The following TRAF1 variants were observed in gnomAD, a reference collection of about 807,000 sequenced individuals.
TRAF1 encodes the protein TNF receptor-associated factor 1.
TRAF1 carries 23 observed loss-of-function variants against 40.9 expected under a neutral mutation model. The ratio of observed to expected loss-of-function variants is 0.56; its 90% confidence interval spans 0.40 to 0.80. The LOEUF is 0.80. Ranked by LOEUF, TRAF1 falls within the 30% of genes least tolerant of loss-of-function variation. The pLI is 0.00. For missense variants in TRAF1, 477 were observed against 528.7 expected, an observed-to-expected ratio of 0.90 and a Z score of 0.96; for synonymous variants, 206 against 218.8, an observed-to-expected ratio of 0.94 and a Z score of 0.52.
chr9:120,913,866 T>C, intron 4 of TRAF1, 128 bp from the exon 5 acceptor site: 1 of 1,116,430 alleles, frequency 9.0e-7, no homozygotes, highest in Non-Finnish European at 1.2e-6. Context: ...TGGCTTTCTG[T>C]ACAGTGGGAG....
rs75437068 is a variant in TRAF1 at position 120,916,035 on chromosome 9, G to A, written c.229-1735C>T. ...AGGTGTGTATGTGAATGTTCATGGC[G>A]GCTTTGTTCAAAGCAACCCAAATGT... On this transcript the variant is annotated intron_variant, in intron 3 of 7. Transcript: ENST00000373887. Among the ~76,000 whole-genome samples, 15 of 152,208 alleles carry A rather than the reference G, an allele frequency of 9.9e-5. No homozygotes were observed. The East Asian group carries it at 2.9e-3, about 29-fold the overall frequency.
chr9:120,912,536 A>C (rs1269392233), intron 5 of TRAF1, among the ~76,000 whole-genome samples: 1 of 152,136 alleles, frequency 6.6e-6, no homozygotes, highest in Admixed American at 6.5e-5. Context: ...ACACGCCTGT[A>C]ATCCCAGCTA....
At position 120,913,386 on chromosome 9, in the gene TRAF1, GC is replaced by G; in HGVS notation, c.646del (p.Ala216ProfsTer15). 1 of 1,613,882 alleles carries G rather than the reference GC, an allele frequency of 6.2e-7. No individual in the cohort carries two copies. The highest frequency in any genetic ancestry group is 8.5e-7 in the Non-Finnish European group (1 of 1,180,002). On this transcript the variant is annotated frameshift_variant, in exon 5 of 8. Coordinates refer to ENST00000373887, the MANE Select transcript of TRAF1 (RefSeq NM_005658.5). LOFTEE classifies it high-confidence loss of function. ...CAGCTGGCTCTGGTGGATAGAGGTG[GC>G]CAGGGCCAGGTGGGAGGCCTCCACC... ...KEVEASHLAL[A>X]TSIHQSQLDR...
chr9:120,905,108 A>T lies in TRAF1; in HGVS notation c.1163T>A (p.Phe388Tyr). 6.2e-7 allele frequency: 1 copy of T among 1,614,130 alleles called. No homozygotes were observed. Among genetic ancestry groups the T allele is most frequent in the Non-Finnish European group, 8.5e-7 (1 of 1,180,026 alleles). Residue 388 changes from phenylalanine to tyrosine, a missense_variant, in exon 8 of 8, where the codon TTC becomes TAC. By Grantham distance (22) the Phe-to-Tyr change is conservative. Coordinates refer to ENST00000373887, the MANE Select transcript of TRAF1 (RefSeq NM_005658.5). Reference protein sequence around the residue: ...TNVASGCPLFFPLSKLQSPKH... With the variant: ...TNVASGCPLFYPLSKLQSPKH... ...GGGTGACTGCAGTTTGCTGAGGGGG[A>T]AGAAGAGTGGGCATCCACTGGCCAC...
intron 6 of TRAF1, among the ~76,000 whole-genome samples, chr9:120,911,124 G>A (rs903732556): frequency 9.9e-5 from 15 of 152,260 alleles, no homozygotes; most frequent in Admixed American, 9.8e-4. Context: ...CCACCGCTAT[G>A]TGTGGCTGAG....
At position 120,913,356 on chromosome 9, in the gene TRAF1, C is replaced by T. The variant is rs141130520; in HGVS notation, c.677G>A (p.Arg226His). 63 of 1,612,286 alleles carry T rather than the reference C, an allele frequency of 3.9e-5. No homozygotes were observed. The highest frequency in any genetic ancestry group is 1.8e-4 in the East Asian group (8 of 44,858). The change falls in exon 5 of 8, where the codon CGT becomes CAT. Residue 226 changes from arginine (R) to histidine (H), a missense_variant. By Grantham distance (29) the Arg-to-His change is conservative. Coordinates refer to ENST00000373887, the MANE Select transcript of TRAF1 (RefSeq NM_005658.5). ...ATSIHQSQLD[R>H]ERILSLEQRV... is the part of the protein sequence containing the mutation. ...CTGCTCCAAGCTCAGGATGCGCTCA[C>T]GGTCCAGCTGGCTCTGGTGGATAGA...
Position 120,915,703 on chromosome 9 carries a change from G to A in TRAF1, c.229-1403C>T, listed in dbSNP as rs553712190. On this transcript the variant is annotated intron_variant, in intron 3 of 7. Transcript: ENST00000373887. ...TTTTTTAATTAGCAGTCTTGGTGGC[G>A]TACACCTATAGTCCCAGCTACTTGG... Among the ~76,000 whole-genome samples, 149 of 151,950 alleles carry A rather than the reference G, an allele frequency of 9.8e-4. 1 individual carries two copies. The South Asian group carries it at 0.03, about 30-fold the overall frequency.
chr9:120,918,911 G>T (rs549259044), intron 3 of TRAF1, among the ~76,000 whole-genome samples: 1 of 152,310 alleles, frequency 6.6e-6, no homozygotes, highest in African/African-American at 2.4e-5. Context: ...GGGGAGGTTG[G>T]GGCTCTGAGG....
At chr9:120,914,671 C>T (rs2046557225) in intron 3 of TRAF1, 1 of 736,522 alleles carries the variant, frequency 1.4e-6, no homozygotes, top group South Asian at 6.2e-5. Context: ...CTGAGACACT[C>T]AGAACACACT....
At position 120,902,980 on chromosome 9, in the gene TRAF1, G is replaced by C. The variant is rs1173253370; in HGVS notation, c.*2040C>G. 6.6e-6 allele frequency: 1 copy of C among 152,230 alleles called. No homozygotes were observed. The highest frequency in any genetic ancestry group is 2.4e-5 in the African/African-American group (1 of 41,462). 9.4% of individuals were successfully genotyped at this position (152,230 alleles called of 1,614,324 possible). A position where few individuals can be genotyped will look rare whatever the true frequency, so the allele number is the denominator to read the frequency against. Reference sequence around the variant, plus strand: ...TGCCATCAGAAATAGGCAATCAAAAGTGTAGAGTAACAGCTGTTTCTCATG... The same window carrying C: ...TGCCATCAGAAATAGGCAATCAAAACTGTAGAGTAACAGCTGTTTCTCATG... On this transcript the variant is annotated 3_prime_UTR_variant, in exon 8 of 8. Transcript: ENST00000373887.
chr9:120,914,238 G>A lies in TRAF1; in HGVS notation c.291C>T (p.Phe97=), dbSNP rs2046553202. The change falls in exon 4 of 8, where the codon TTC becomes TTT. Residue 97 remains phenylalanine (F), a synonymous_variant. Coordinates refer to ENST00000373887, the MANE Select transcript of TRAF1 (RefSeq NM_005658.5). ...TTTCTCACACTCAGATGCTTACCTT[G>A]AAGGAGCAGCCGACACCTGCAAAGG... The part of the protein sequence containing the change: ...GCPFAGVGCS[F]KGSPQSVQEH... The A allele has an allele frequency of 6.5e-7, 1 of 1,533,998 alleles. No homozygotes were observed. Among genetic ancestry groups the A allele is most frequent in the Non-Finnish European group, 8.9e-7 (1 of 1,129,242 alleles).
Position 120,904,899 on chromosome 9 carries a change from T to C in TRAF1, c.*121A>G. 1 of 1,058,762 alleles carries C rather than the reference T, an allele frequency of 9.4e-7. No individual in the cohort carries two copies. Among genetic ancestry groups the C allele is most frequent in the Non-Finnish European group, 1.4e-6 (1 of 729,286 alleles). The allele number at this position is 1,058,762 out of a possible 1,614,324, so 65.6% of individuals were successfully genotyped here. On this transcript the variant is annotated 3_prime_UTR_variant, in exon 8 of 8. Transcript: ENST00000373887. The stretch of plus-strand genomic sequence containing the variant: ...CCGAAGTCGACCCCTCAGTCTTGCT[T>C]GGATCATGCCAGCCTTCACCCATCT...
Position 120,903,994 on chromosome 9 carries a change from G to A in TRAF1, c.*1026C>T, listed in dbSNP as rs1052935172. The A allele has an allele frequency of 2.0e-5, 3 of 152,216 alleles. No homozygotes were observed. Among genetic ancestry groups the A allele is most frequent in the African/African-American group, 4.8e-5 (2 of 41,440 alleles). 9.4% of individuals were successfully genotyped at this position (152,216 alleles called of 1,614,324 possible). ...GAGATTCTAAAAATTATTTCTTTGGGGTTATACATTGCTCAGTGGCTTGGA... is the reference window on the plus strand; with the variant it reads ...GAGATTCTAAAAATTATTTCTTTGGAGTTATACATTGCTCAGTGGCTTGGA... On this transcript the variant is annotated 3_prime_UTR_variant, in exon 8 of 8. Transcript: ENST00000373887.
chr9:120,918,484 A>C (rs1462321519), intron 3 of TRAF1, among the ~76,000 whole-genome samples: 5 of 152,032 alleles, frequency 3.3e-5, no homozygotes, highest in Non-Finnish European at 4.4e-5. Flanking sequence ...ATTCCTGTGG[A>C]TTAAGCACTG....
chr9:120,904,576 G>A lies in TRAF1; in HGVS notation c.*444C>T, dbSNP rs12379904. 0.051 allele frequency: 9,227 copies of A among 180,640 alleles called. 788 individuals are homozygous for A. Among genetic ancestry groups the A allele is most frequent in the African/African-American group, 0.19 (8,038 of 42,220 alleles). The allele number at this position is 180,640 out of a possible 1,614,324, so 11.2% of individuals were successfully genotyped here. On this transcript the variant is annotated 3_prime_UTR_variant, in exon 8 of 8. Coordinates refer to ENST00000373887, the MANE Select transcript of TRAF1 (RefSeq NM_005658.5). Reference sequence around the variant, plus strand: ...AACTGGCACCCCATCCCTTCCACCCGGTCCTGTTTCTGACCCTGGAGAAAA... The same window carrying A: ...AACTGGCACCCCATCCCTTCCACCCAGTCCTGTTTCTGACCCTGGAGAAAA...
intron 1 of TRAF1, 123 bp downstream of exon 1, chr9:120,926,427 C>T (rs1209356401): frequency 6.1e-6 from 1 of 164,254 alleles, no homozygotes; most frequent in Non-Finnish European, 1.3e-5. Flanking sequence ...GGTTGAGAAT[C>T]GCAGGCTGCC....
intron 3 of TRAF1, among the ~76,000 whole-genome samples, chr9:120,918,260 T>C (rs2046582006): frequency 6.6e-6 from 1 of 152,116 alleles, no homozygotes; most frequent in South Asian, 2.1e-4. Flanking sequence ...GGGATTCACA[T>C]GTGGACATCT....
intron 3 of TRAF1, among the ~76,000 whole-genome samples, chr9:120,915,347 G>A (rs7025182): frequency 4.0e-5 from 6 of 150,580 alleles, no homozygotes; most frequent in Non-Finnish European, 8.8e-5. Flanking sequence ...CTGTAAGTAC[G>A]TGTGTATCTA....
chr9:120,906,173 GTTTTTTTT>G (rs35324048), intron 7 of TRAF1, among the ~76,000 whole-genome samples: 1 of 84,880 alleles, frequency 1.2e-5, no homozygotes, highest in Admixed American at 1.3e-4. Context: ...ATTATGGTGT[GTTTTTTTT>G]TTTTTTTTTT....
Sources: allele counts gnomAD v4.1 joint callset (sites outside exome capture counted in the v4.1 genomes callset), GRCh38; gene constraint gnomAD v4.1.1; transcripts MANE v1.5; gene names NCBI Gene and HGNC (gene_info 2026-07-23, HGNC 2026-07-21).